The following PCDHGA2 variants were observed in gnomAD, a reference collection of about 807,000 sequenced individuals.
PCDHGA2 encodes the protein protocadherin gamma-A2.
Under a neutral mutation model 59.2 loss-of-function variants are expected in PCDHGA2, and 40 were observed. The observed-to-expected ratio is 0.68, with a 90% CI of 0.52 to 0.88. PCDHGA2 has a LOEUF of 0.88. PCDHGA2 is among the 40% of genes least tolerant of loss of function. The pLI is 0.00. For synonymous variants in PCDHGA2, 560 were observed against 526.0 expected (o/e 1.06, Z -0.89); for missense variants, 1,226 against 1,204.0 (o/e 1.02, Z -0.27).
Position 141,403,510 on chromosome 5 carries a change from C to T in PCDHGA2, c.2424+62115C>T, listed in dbSNP as rs201146573. ...TCTCCCTGAACGTGCAGACTGGAGA[C>T]AATGGAGCCATAAACCCAGAGCTGG... On this transcript the variant is annotated intron_variant, in intron 1 of 3. Transcript: ENST00000394576. 9.2e-4 allele frequency: 1,478 copies of T among 1,614,022 alleles called. 1 individual carries two copies. Among genetic ancestry groups the T allele is most frequent in the Non-Finnish European group, 1.2e-3 (1,414 of 1,179,888 alleles).
chr5:141,361,838 G>C (rs761837286), intron 1 of PCDHGA2: 61 of 1,612,714 alleles, frequency 3.8e-5, no homozygotes, highest in Non-Finnish European at 4.9e-5. Flanking sequence ...CCCGCGCTGG[G>C]GCCTGATGGC....
intron 1 of PCDHGA2, chr5:141,382,846 G>T: frequency 1.4e-6 from 2 of 1,475,644 alleles, no homozygotes; most frequent in Non-Finnish European, 9.1e-7. Context: ...GGATACACCC[G>T]CATTCTGAAG....
chr5:141,354,529 C>T (rs578033792), intron 1 of PCDHGA2, among the ~76,000 whole-genome samples: 24 of 152,282 alleles, frequency 1.6e-4, no homozygotes, highest in African/African-American at 5.3e-4. Context: ...AAGCATTGCC[C>T]CAGGTTCTAG....
intron 1 of PCDHGA2, chr5:141,355,849 G>T (rs375626682): frequency 6.2e-6 from 10 of 1,612,302 alleles, no homozygotes; most frequent in Non-Finnish European, 8.5e-6. Context: ...GGCCTTCGAT[G>T]GAGGTGACCC....
chr5:141,443,699 A>G (rs1433844997), intron 1 of PCDHGA2, among the ~76,000 whole-genome samples: 1 of 152,248 alleles, frequency 6.6e-6, no homozygotes, highest in African/African-American at 2.4e-5. Flanking sequence ...AAAATTATAG[A>G]ATAACATTTG....
At chr5:141,444,152 ATTTTTTTTTTTTTTTTTTT>A (rs747671382) in intron 1 of PCDHGA2, among the ~76,000 whole-genome samples, 14 of 33,898 alleles carry the variant, frequency 4.1e-4, no homozygotes, top group South Asian at 3.1e-3. Flanking sequence ...TGTGTACTGG[ATTTTTTTTTTTTTTTTTTT>A]TTTTTTTTTT....
At chr5:141,355,160 A>G (rs1483905698) in intron 1 of PCDHGA2, 1 of 1,559,252 alleles carries the variant, frequency 6.4e-7, no homozygotes, top group East Asian at 2.3e-5. Context: ...GCCTCGACAG[A>G]GGGAAAACCG....
chr5:141,383,357 C>A lies in PCDHGA2; in HGVS notation c.2424+41962C>A, dbSNP rs769784659. The A allele has an allele frequency of 9.9e-6, 16 of 1,613,956 alleles. No homozygotes were observed. The South Asian group carries it at 1.8e-4, about 18-fold the overall frequency. ...AATACAGCTCCTGGGGTTCGGTTTC[C>A]GTTAAGCGAGGCTGGGGATCCAGAT... On this transcript the variant is annotated intron_variant, in intron 1 of 3. Transcript: ENST00000394576.
At chr5:141,389,988 C>G in intron 1 of PCDHGA2, 1 of 1,614,036 alleles carries the variant, frequency 6.2e-7, no homozygotes, top group South Asian at 1.1e-5. Context: ...AGTGCTCTTC[C>G]TCGTGGCCAT....
At chr5:141,347,891 T>A (rs540450444) in intron 1 of PCDHGA2, among the ~76,000 whole-genome samples, 23 of 152,318 alleles carry the variant, frequency 1.5e-4, no homozygotes, top group African/African-American at 5.3e-4. Flanking sequence ...GATTTCAACA[T>A]TTTGCCTGAG....
At chr5:141,395,315 G>A in intron 1 of PCDHGA2, 1 of 1,486,272 alleles carries the variant, frequency 6.7e-7, no homozygotes, top group Middle Eastern at 1.8e-4. Context: ...AAAACATTGT[G>A]AAGATAGTTG....
chr5:141,355,808 A>AG lies in PCDHGA2; in HGVS notation c.2424+14415dup, dbSNP rs750575688. On this transcript the variant is annotated intron_variant, in intron 1 of 3. Transcript: ENST00000394576. ...GTGCTGGAACGCGCTCTAGATCGCG[A>AG]GGAAGAGGCGGTTCACCACCTCGTT... The AG allele has an allele frequency of 5.0e-6, 8 of 1,613,360 alleles. No individual in the cohort carries two copies. In the South Asian group the frequency reaches 7.7e-5, roughly 16 times the overall value.
At chr5:141,458,727 A>G (rs1424554234) in intron 1 of PCDHGA2, among the ~76,000 whole-genome samples, 1 of 151,570 alleles carries the variant, frequency 6.6e-6, no homozygotes, top group East Asian at 1.9e-4. Flanking sequence ...TCGCCACCAC[A>G]TCCAGCTATT....
At chr5:141,361,817 G>A (rs778870438) in intron 1 of PCDHGA2, 2 of 1,613,072 alleles carry the variant, frequency 1.2e-6, no homozygotes, top group Non-Finnish European at 1.7e-6. Flanking sequence ...AATGCGCCAC[G>A]GGTGCTGTAC....
rs775380177 is a variant in PCDHGA2, at chr5:141,422,666, C to T, written c.2425-72141C>T. The T allele has an allele frequency of 3.1e-6, 5 of 1,608,026 alleles. No individual in the cohort carries two copies. In the South Asian group the frequency reaches 3.3e-5, roughly 11 times the overall value. ...ATCTTCTCAGTGACCGCCCTCGACC[C>T]GGACAGCAAACAGAATGCCCTGGTC... On this transcript the variant is annotated intron_variant, in intron 1 of 3. Transcript: ENST00000394576.
chr5:141,415,071 G>C (rs757356726), intron 1 of PCDHGA2: 5 of 1,613,422 alleles, frequency 3.1e-6, no homozygotes, highest in Non-Finnish European at 1.7e-6. Context: ...AGGTGCGCAC[G>C]GCGCGAGCCC....
At chr5:141,438,591 C>CATATATATATATAT (rs946798767) in intron 1 of PCDHGA2, among the ~76,000 whole-genome samples, 3 of 75,556 alleles carry the variant, frequency 4.0e-5, no homozygotes, top group Non-Finnish European at 8.0e-5. Context: ...TACATACATA[C>CATATATATATATAT]ATATATATAT....
Position 141,424,000 on chromosome 5 carries a change from A to G in PCDHGA2, c.2425-70807A>G, listed in dbSNP as rs2096794510. On this transcript the variant is annotated intron_variant, in intron 1 of 3. Coordinates refer to ENST00000394576, the MANE Select transcript of PCDHGA2 (RefSeq NM_018915.4). ...ATGAGGCTCTCAATTTATTATATAT[A>G]GATACAAATTAATGATTCACAAACA... 5 of 1,076,368 alleles carry G rather than the reference A, an allele frequency of 4.6e-6. No homozygotes were observed. In the South Asian group the frequency reaches 1.4e-4, roughly 30 times the overall value. 66.7% of individuals were successfully genotyped at this position (1,076,368 alleles called of 1,614,324 possible).
At position 141,491,222 on chromosome 5, in the gene PCDHGA2, C is replaced by A. The variant is rs1185734506; in HGVS notation, c.2425-3585C>A. 6.2e-7 allele frequency: 1 copy of A among 1,614,268 alleles called. No homozygotes were observed. Among genetic ancestry groups the A allele is most frequent in the East Asian group, 2.2e-5 (1 of 44,892 alleles). On this transcript the variant is annotated intron_variant, in intron 1 of 3. Transcript: ENST00000394576. This position sits in a 1 kb window ranked among gnomAD's most constrained non-coding sequence, Gnocchi z 6.9. Reference sequence around the variant, plus strand: ...GACCCTTCACTCTCCTCCACAGCCACAGTGCTGCTGGTTCTGGAGGATGAG... The same window carrying A: ...GACCCTTCACTCTCCTCCACAGCCAAAGTGCTGCTGGTTCTGGAGGATGAG...
Sources: allele counts gnomAD v4.1 joint callset (sites outside exome capture counted in the v4.1 genomes callset), GRCh38; gene constraint gnomAD v4.1.1; non-coding constraint Gnocchi (gnomAD v3.1); transcripts MANE v1.5; gene names NCBI Gene and HGNC (gene_info 2026-07-23, HGNC 2026-07-21).